Variants in AMER1 observed in about 807,000 individuals in gnomAD.
AMER1 encodes APC membrane recruitment protein 1, also known as RP11-403E24.2.
In AMER1, 16 loss-of-function variants were observed where a neutral mutation model predicts 53.0. That is an observed-to-expected ratio of 0.30 (90% CI 0.20 to 0.46). AMER1 has a LOEUF of 0.46. AMER1 is among the 20% of genes least tolerant of loss of function. The pLI is 1.00. For synonymous variants in AMER1, 354 were observed against 331.9 expected (o/e 1.07, Z -0.73); for missense variants, 947 against 884.9 (o/e 1.07, Z -0.89).
In AMER1 at chrX:64,188,835, T is replaced by G; in HGVS notation, c.*1044A>C. ...CCAGCCCCTATAGTCAAGCCTAATTTAGGTTGCTTCTCTTCCCTTATCTCA... is the reference window on the plus strand; with the variant it reads ...CCAGCCCCTATAGTCAAGCCTAATTGAGGTTGCTTCTCTTCCCTTATCTCA... On this transcript the variant is annotated 3_prime_UTR_variant, in exon 2 of 2. Transcript: ENST00000374869. The G allele has an allele frequency of 1.2e-6, 1 of 806,884 alleles. No individual in the cohort carries two copies. Among genetic ancestry groups the G allele is most frequent in the Non-Finnish European group, 1.5e-6 (1 of 671,692 alleles). 66.5% of individuals were successfully genotyped at this position (806,884 alleles called of 1,213,427 possible).
At chrX:64,196,192 G>C (rs139636398) in intron 1 of AMER1, among the ~76,000 whole-genome samples, 1,929 of 111,736 alleles carry the variant, frequency 0.017, 22 homozygotes, top group Admixed American at 0.046. Context: ...GTGTGTTGTG[G>C]AAGGAGCCAT....
chrX:64,189,514 G>GTATATATATATATA lies in AMER1; in HGVS notation c.*351_*364dup, dbSNP rs567386357. 5 of 28,062 alleles carry GTATATATATATATA rather than the reference G, an allele frequency of 1.8e-4. No individual in the cohort carries two copies. Among genetic ancestry groups the GTATATATATATATA allele is most frequent in the East Asian group, 2.2e-3 (1 of 446 alleles). 2.3% of individuals were successfully genotyped at this position (28,062 alleles called of 1,213,427 possible). A position where few individuals can be genotyped will look rare whatever the true frequency, so the allele number is the denominator to read the frequency against. The stretch of plus-strand genomic sequence containing the variant: ...TGTGTGTGTGTGTGTGTGTGTGTGT[G>GTATATATATATATA]TATATATATATATATATATATATAT... On this transcript the variant is annotated 3_prime_UTR_variant, in exon 2 of 2. Coordinates refer to ENST00000374869, the MANE Select transcript of AMER1 (RefSeq NM_152424.4).
At position 64,186,990 on chromosome X, in the gene AMER1, G is replaced by A; in HGVS notation, c.*2889C>T. Reference sequence around the variant, plus strand: ...TTTTCCCTTAAAATCACATCCAAAAGCATTATTCCAGGACCTTGCAATGGA... The same window carrying A: ...TTTTCCCTTAAAATCACATCCAAAAACATTATTCCAGGACCTTGCAATGGA... On this transcript the variant is annotated 3_prime_UTR_variant, in exon 2 of 2. Transcript: ENST00000374869. The A allele has an allele frequency of 1.3e-6, 1 of 776,778 alleles. No homozygotes were observed. The highest frequency in any genetic ancestry group is 1.5e-6 in the Non-Finnish European group (1 of 652,467). 64.0% of individuals were successfully genotyped at this position (776,778 alleles called of 1,213,427 possible).
rs1320971882 is a variant in AMER1, at chrX:64,189,537, T to TA, written c.*341dup. On this transcript the variant is annotated 3_prime_UTR_variant, in exon 2 of 2. Coordinates refer to ENST00000374869, the MANE Select transcript of AMER1 (RefSeq NM_152424.4). The stretch of plus-strand genomic sequence containing the variant: ...GTGTATATATATATATATATATATA[T>TA]ATATATATATATATATATATAATCA... 3.7e-5 allele frequency: 4 copies of TA among 108,750 alleles called. No individual in the cohort carries two copies. Among genetic ancestry groups the TA allele is most frequent in the African/African-American group, 3.3e-4 (4 of 12,167 alleles). The allele number at this position is 108,750 out of a possible 1,213,427, so 9.0% of individuals were successfully genotyped here.
In AMER1 at chrX:64,191,448, G is replaced by C. The variant is rs2147087336; in HGVS notation, c.1839C>G (p.Ala613=). ...CCCTGCCATGAGCTTCCCAAGTGTG[G>C]GCCTCCCTGGCATAGGCTTCCCTGC... ...AYGREAYARE[A]HTWEAHGREA... The change falls in exon 2 of 2, where the codon GCC becomes GCG. Residue 613 remains alanine, a synonymous_variant. Transcript: ENST00000374869. 1.7e-6 allele frequency: 2 copies of C among 1,211,629 alleles called. No individual in the cohort carries two copies. The highest frequency in any genetic ancestry group is 1.1e-6 in the Non-Finnish European group (1 of 895,425).
rs1930175230 is a variant in AMER1, at chrX:64,189,315, A to T, written c.*564T>A. On this transcript the variant is annotated 3_prime_UTR_variant, in exon 2 of 2. Transcript: ENST00000374869. Reference sequence around the variant, plus strand: ...TGTACCATAATTTCACATTGCTAATAGCAAATAAGCCCCACTTCCCCAAGC... The same window carrying T: ...TGTACCATAATTTCACATTGCTAATTGCAAATAAGCCCCACTTCCCCAAGC... 1.3e-6 allele frequency: 1 copy of T among 788,645 alleles called. No individual in the cohort carries two copies. The highest frequency in any genetic ancestry group is 1.5e-6 in the Non-Finnish European group (1 of 660,895). 65.0% of individuals were successfully genotyped at this position (788,645 alleles called of 1,213,427 possible). A position where few individuals can be genotyped will look rare whatever the true frequency, so the allele number is the denominator to read the frequency against.
At chrX:64,198,506 G>A (rs1399849517) in intron 1 of AMER1, among the ~76,000 whole-genome samples, 1 of 111,688 alleles carries the variant, frequency 9.0e-6, no homozygotes. Context: ...TCCCAGAACT[G>A]TTGAGTCTCA....
At chrX:64,203,423 C>G (rs1930533358) in intron 1 of AMER1, among the ~76,000 whole-genome samples, 2 of 111,802 alleles carry the variant, frequency 1.8e-5, no homozygotes, top group South Asian at 7.6e-4. Context: ...ATTAACTGCT[C>G]TGCACTGCTT....
intron 1 of AMER1, among the ~76,000 whole-genome samples, chrX:64,196,530 G>C (rs956386762): frequency 8.9e-6 from 1 of 112,242 alleles, no homozygotes; most frequent in African/African-American, 3.2e-5. Context: ...ATTTGGGAAA[G>C]CCATTCACTG....
chrX:64,203,167 C>G (rs906608157), intron 1 of AMER1, among the ~76,000 whole-genome samples: 3 of 112,263 alleles, frequency 2.7e-5, no homozygotes, highest in Non-Finnish European at 3.8e-5. Context: ...CAAAGATATG[C>G]ATGGTCTGGG....
Position 64,189,792 on chromosome X carries a change from A to ATGGGG in AMER1, c.*86_*87insCCCCA. On this transcript the variant is annotated 3_prime_UTR_variant, in exon 2 of 2. Transcript: ENST00000374869. ...CCAAAGGGTTTTCAAGTTAAACAAC[A>ATGGGG]ACCCCCACCCCCCCACCCTTCTGCC... 2 of 746,971 alleles carry ATGGGG rather than the reference A, an allele frequency of 2.7e-6. No individual in the cohort carries two copies. The highest frequency in any genetic ancestry group is 3.4e-6 in the Non-Finnish European group (2 of 590,428). 61.6% of individuals were successfully genotyped at this position (746,971 alleles called of 1,213,427 possible).
rs772670498 is a variant in AMER1, at chrX:64,188,482, G to A, written c.*1397C>T. The stretch of plus-strand genomic sequence containing the variant: ...GAGGGTGCCATTCATTCCATAAAGG[G>A]CTGCAACTGCCAAGAAGCCCTGTCA... On this transcript the variant is annotated 3_prime_UTR_variant, in exon 2 of 2. Transcript: ENST00000374869. 1.2e-6 allele frequency: 1 copy of A among 802,052 alleles called. No individual in the cohort carries two copies. Among genetic ancestry groups the A allele is most frequent in the South Asian group, 6.7e-5 (1 of 14,966 alleles). 66.1% of individuals were successfully genotyped at this position (802,052 alleles called of 1,213,427 possible). A position where few individuals can be genotyped will look rare whatever the true frequency, so the allele number is the denominator to read the frequency against.
Position 64,186,606 on chromosome X carries a change from C to T in AMER1, c.*3273G>A. 1.3e-6 allele frequency: 1 copy of T among 774,581 alleles called. No individual in the cohort carries two copies. The highest frequency in any genetic ancestry group is 6.7e-5 in the South Asian group (1 of 14,947). The allele number at this position is 774,581 out of a possible 1,213,427, so 63.8% of individuals were successfully genotyped here. On this transcript the variant is annotated 3_prime_UTR_variant, in exon 2 of 2. Coordinates refer to ENST00000374869, the MANE Select transcript of AMER1 (RefSeq NM_152424.4). Reference sequence around the variant, plus strand: ...GCTGCTGGCAGCAGGATGAAGGGTACACACCCAGCCTCCTGAGTGTGTGAA... The same window carrying T: ...GCTGCTGGCAGCAGGATGAAGGGTATACACCCAGCCTCCTGAGTGTGTGAA...
Position 64,188,466 on chromosome X carries a change from A to T in AMER1, c.*1413T>A. 1.2e-6 allele frequency: 1 copy of T among 804,685 alleles called. No individual in the cohort carries two copies. Among genetic ancestry groups the T allele is most frequent in the East Asian group, 7.1e-5 (1 of 14,100 alleles). 66.3% of individuals were successfully genotyped at this position (804,685 alleles called of 1,213,427 possible). On this transcript the variant is annotated 3_prime_UTR_variant, in exon 2 of 2. Coordinates refer to ENST00000374869, the MANE Select transcript of AMER1 (RefSeq NM_152424.4). ...TGGATGCAGGAGAAGGGAGGGTGCCATTCATTCCATAAAGGGCTGCAACTG... is the reference window on the plus strand; with the variant it reads ...TGGATGCAGGAGAAGGGAGGGTGCCTTTCATTCCATAAAGGGCTGCAACTG...
rs2147087682 is a variant in AMER1 at position 64,191,607 on chromosome X, C to A, written c.1680G>T (p.Arg560=). ...PPGAMETEEE[R]LVTIQKQLLY... ...ACAACTGTTTCTGGATGGTCACTAGCCGTTCTTCCTCTGTCTCCATTGCCC... is the reference window on the plus strand; with the variant it reads ...ACAACTGTTTCTGGATGGTCACTAGACGTTCTTCCTCTGTCTCCATTGCCC... The change falls in exon 2 of 2, where the codon CGG becomes CGT. Residue 560 remains arginine, a synonymous_variant. Coordinates refer to ENST00000374869, the MANE Select transcript of AMER1 (RefSeq NM_152424.4). The A allele has an allele frequency of 1.6e-6, 2 of 1,212,495 alleles. No individual in the cohort carries two copies. The highest frequency in any genetic ancestry group is 2.2e-6 in the Non-Finnish European group (2 of 895,679).
chrX:64,192,575 T>C lies in AMER1; in HGVS notation c.712A>G (p.Lys238Glu), dbSNP rs1214698838. The change falls in exon 2 of 2, where the codon AAA becomes GAA. Residue 238 changes from lysine to glutamate, a missense_variant. Lys to Glu is a moderately conservative substitution (Grantham distance 56). Transcript: ENST00000374869. ...GAAGGTTCTGGTGTTGGAGAAACTT[T>C]TGGCCCAGGGGCATCTTGGGGGTTA... ...NANPQDAPGPKVSPTPEPSPP... is the reference protein window; with the variant it reads ...NANPQDAPGPEVSPTPEPSPP... The C allele has an allele frequency of 8.4e-7, 1 of 1,196,996 alleles. No individual in the cohort carries two copies.
At position 64,191,815 on chromosome X, in the gene AMER1, C is replaced by A. The variant is rs370645786; in HGVS notation, c.1472G>T (p.Arg491Leu). 8.3e-7 allele frequency: 1 copy of A among 1,211,390 alleles called. No homozygotes were observed. Among genetic ancestry groups the A allele is most frequent in the Non-Finnish European group, 1.1e-6 (1 of 895,358 alleles). Residue 491 changes from arginine to leucine, a missense_variant, in exon 2 of 2, where the codon CGC becomes CTC. Arg to Leu is a moderately radical substitution (Grantham distance 102). Coordinates refer to ENST00000374869, the MANE Select transcript of AMER1 (RefSeq NM_152424.4). Reference protein sequence around the residue: ...DDSGEALGLVRRDCLPRDSYS... With the variant: ...DDSGEALGLVLRDCLPRDSYS... ...GCTGTCTCGGGGTAGACAATCCCTG[C>A]GGACAAGCCCCAGGGCCTCACCTGA... is the stretch of plus-strand genomic sequence containing the variant.
In AMER1 at chrX:64,186,738, G is replaced by A. The variant is rs751571013; in HGVS notation, c.*3141C>T. On this transcript the variant is annotated 3_prime_UTR_variant, in exon 2 of 2. Coordinates refer to ENST00000374869, the MANE Select transcript of AMER1 (RefSeq NM_152424.4). ...CTGGTACCCAAGCTGAGGCCAGATA[G>A]GTAGGGCTGGCTTGAACTGGGCCCC... is the stretch of plus-strand genomic sequence containing the variant. 94 of 774,248 alleles carry A rather than the reference G, an allele frequency of 1.2e-4. No homozygotes were observed. Among genetic ancestry groups the A allele is most frequent in the Non-Finnish European group, 1.4e-4 (93 of 651,642 alleles). The allele number at this position is 774,248 out of a possible 1,213,427, so 63.8% of individuals were successfully genotyped here.
intron 1 of AMER1, among the ~76,000 whole-genome samples, chrX:64,197,921 T>C (rs1930408665): frequency 8.9e-6 from 1 of 112,890 alleles, no homozygotes; most frequent in African/African-American, 3.2e-5. Context: ...GTGCATTACA[T>C]AGCAGAAGCT....
Sources: allele counts gnomAD v4.1 joint callset (sites outside exome capture counted in the v4.1 genomes callset), GRCh38; gene constraint gnomAD v4.1.1; transcripts MANE v1.5; gene names NCBI Gene and HGNC (gene_info 2026-07-23, HGNC 2026-07-21).